THRB: variants seen among roughly 807,000 people sequenced by gnomAD.
The protein encoded by THRB is thyroid hormone receptor beta, also known as nuclear receptor subfamily 1 group A member 2.
Under a neutral mutation model 47.8 loss-of-function variants are expected in THRB, and 12 were observed. The observed-to-expected ratio is 0.25, with a 90% CI of 0.16 to 0.41. The LOEUF (loss-of-function observed/expected upper bound fraction) is 0.41. Among genes scored for constraint, THRB ranks in the 10% least tolerant of loss-of-function variants. The pLI is 1.00. For synonymous variants in THRB, 218 were observed against 212.2 expected, an observed-to-expected ratio of 1.03 and a Z score of -0.24; for missense variants, 348 against 589.2, an observed-to-expected ratio of 0.59 and a Z score of 4.24.
At chr3:24,292,942 GTTTAA>G (rs2056088108) in intron 3 of THRB, among the ~76,000 whole-genome samples, 3 of 152,008 alleles carry the variant, frequency 2.0e-5, no homozygotes, top group Non-Finnish European at 2.9e-5. Context: ...AGTTAAAAAA[GTTTAA>G]TTTATTTAAA....
intron 5 of THRB, among the ~76,000 whole-genome samples, chr3:24,176,019 C>CTAA (rs2041103250): frequency 6.6e-6 from 1 of 152,112 alleles, no homozygotes; most frequent in Non-Finnish European, 1.5e-5. Context: ...TTCTGGGTGA[C>CTAA]TAATAATGTG....
intron 4 of THRB, among the ~76,000 whole-genome samples, chr3:24,217,509 G>A (rs1459474937): frequency 1.3e-5 from 2 of 151,938 alleles, no homozygotes; most frequent in African/African-American, 4.8e-5. Context: ...TTGAAAGCAC[G>A]GGGTTCAAGG....
At chr3:24,451,149 G>A (rs973260173) in intron 1 of THRB, among the ~76,000 whole-genome samples, 1 of 149,890 alleles carries the variant, frequency 6.7e-6, no homozygotes, top group African/African-American at 2.5e-5. Context: ...TACTAATGAC[G>A]TCTAAATTAC....
chr3:24,139,052 G>T (rs571779106), intron 8 of THRB, among the ~76,000 whole-genome samples: 2 of 152,298 alleles, frequency 1.3e-5, no homozygotes, highest in East Asian at 1.9e-4. Context: ...GCTTTCCCTT[G>T]TTTGGCATCA....
chr3:24,363,540 G>C (rs1304770370), intron 1 of THRB, among the ~76,000 whole-genome samples: 4 of 152,074 alleles, frequency 2.6e-5, no homozygotes, highest in African/African-American at 9.7e-5. Flanking sequence ...ATGGTGTTTG[G>C]CTAAACCAAA....
chr3:24,370,327 G>A (rs958112794), intron 1 of THRB, among the ~76,000 whole-genome samples: 11 of 151,944 alleles, frequency 7.2e-5, no homozygotes, highest in African/African-American at 9.7e-5. Flanking sequence ...AAAAAAATAC[G>A]TGGATGGCTT....
At chr3:24,383,649 C>A (rs978063434) in intron 1 of THRB, among the ~76,000 whole-genome samples, 1 of 152,130 alleles carries the variant, frequency 6.6e-6, no homozygotes, top group African/African-American at 2.4e-5. Flanking sequence ...CATACTAACA[C>A]AATTCTCTTT....
At chr3:24,392,082 T>A (rs2066617323) in intron 1 of THRB, among the ~76,000 whole-genome samples, 1 of 152,160 alleles carries the variant, frequency 6.6e-6, no homozygotes, top group Non-Finnish European at 1.5e-5. Flanking sequence ...TATGTGCATC[T>A]TTTTATTGAA....
chr3:24,336,462 G>A (rs189986615), intron 2 of THRB, among the ~76,000 whole-genome samples: 247 of 152,254 alleles, frequency 1.6e-3, no homozygotes, highest in Admixed American at 2.6e-3. Flanking sequence ...TTTTTAAACT[G>A]CTAAAAATAA....
At chr3:24,259,393 A>C (rs2051681843) in intron 3 of THRB, among the ~76,000 whole-genome samples, 1 of 152,228 alleles carries the variant, frequency 6.6e-6, no homozygotes, top group Non-Finnish European at 1.5e-5. Context: ...AACCATGGAC[A>C]CTATTAGTGC....
At chr3:24,134,814 C>A (rs1359851073) in intron 8 of THRB, among the ~76,000 whole-genome samples, 1 of 152,124 alleles carries the variant, frequency 6.6e-6, no homozygotes, top group Non-Finnish European at 1.5e-5. Context: ...AAGAACAAGA[C>A]CAGTTCTCTT....
chr3:24,160,528 A>C (rs1374180570), intron 5 of THRB, among the ~76,000 whole-genome samples: 1 of 152,160 alleles, frequency 6.6e-6, no homozygotes, highest in East Asian at 1.9e-4. Flanking sequence ...AGTCTCCAAG[A>C]GAGCTGAGGA....
intron 1 of THRB, among the ~76,000 whole-genome samples, chr3:24,454,859 G>A (rs1015896523): frequency 3.3e-5 from 5 of 152,184 alleles, no homozygotes; most frequent in East Asian, 1.9e-4. Flanking sequence ...TCCTTTCCAC[G>A]ATCACAAAGA....
chr3:24,299,762 T>C (rs2056769205), intron 2 of THRB, among the ~76,000 whole-genome samples: 1 of 113,082 alleles, frequency 8.8e-6, no homozygotes, highest in South Asian at 3.2e-4. Flanking sequence ...TCTGGGGAAG[T>C]ATGCTTTTTT....
chr3:24,173,380 C>T (rs930291280), intron 5 of THRB, among the ~76,000 whole-genome samples: 1 of 152,128 alleles, frequency 6.6e-6, no homozygotes, highest in African/African-American at 2.4e-5. Context: ...CCTAATTAGG[C>T]TAGGAAGAAC....
At chr3:24,462,158 A>G (rs1271561621) in intron 1 of THRB, among the ~76,000 whole-genome samples, 1 of 140,322 alleles carries the variant, frequency 7.1e-6, no homozygotes, top group Non-Finnish European at 1.6e-5. Context: ...TTAGAACATA[A>G]TGGCTAAAAA....
chr3:24,141,625 G>T (rs112417554), intron 8 of THRB, among the ~76,000 whole-genome samples: 14 of 152,278 alleles, frequency 9.2e-5, no homozygotes, highest in Admixed American at 5.9e-4. Context: ...TTAAATAAAG[G>T]AACAAATCTT....
chr3:24,235,400 A>G (rs928951698), intron 3 of THRB, among the ~76,000 whole-genome samples: 1 of 152,172 alleles, frequency 6.6e-6, no homozygotes, highest in African/African-American at 2.4e-5. Flanking sequence ...GCACTGAATC[A>G]AAACATGCTT....
chr3:24,470,788 T>C lies in THRB; in HGVS notation c.-261+23864A>G, dbSNP rs192971116. On this transcript the variant is annotated intron_variant, in intron 1 of 10. Coordinates refer to ENST00000646209, the MANE Select transcript of THRB (RefSeq NM_001354712.2). ...CTTGCCACCATGCCCGGCTAATTTT[T>C]GTATTTTTAGTAGAGAGGGGGTTTC... Among the ~76,000 whole-genome samples, 1,440 of 152,312 alleles carry C rather than the reference T, an allele frequency of 9.5e-3. 20 individuals carry two copies. The highest frequency in any genetic ancestry group is 0.033 in the African/African-American group (1,357 of 41,564).
Sources: gnomAD v4.1 joint callset for allele counts (sites outside exome capture counted in the v4.1 genomes callset) on GRCh38, gnomAD v4.1.1 for gene constraint, MANE v1.5 for transcripts, NCBI Gene and HGNC (gene_info 2026-07-23, HGNC 2026-07-21) for gene names.